KIAA1217: variants seen among roughly 807,000 people sequenced by gnomAD.
KIAA1217 encodes the protein sickle tail protein homolog.
In KIAA1217, 88 loss-of-function variants were observed where a neutral mutation model predicts 163.9. The ratio of observed to expected loss-of-function variants is 0.54; its 90% CI spans 0.45 to 0.64. KIAA1217 has a LOEUF of 0.64. KIAA1217 is among the 30% of genes least tolerant of loss of function. The pLI, the probability that KIAA1217 is intolerant of heterozygous loss-of-function variation, is 0.00. For synonymous variants in KIAA1217, 903 were observed against 923.1 expected, an observed-to-expected ratio of 0.98 and a Z score of 0.39; for missense variants, 2,372 against 2,475.0, an observed-to-expected ratio of 0.96 and a Z score of 0.88.
At chr10:24,016,931 T>C (rs1847503212) in intron 2 of KIAA1217, among the ~76,000 whole-genome samples, 1 of 152,130 alleles carries the variant, frequency 6.6e-6, no homozygotes, top group Non-Finnish European at 1.5e-5. Flanking sequence ...TTTATTTGCT[T>C]GAATCTTCTA....
chr10:24,321,956 T>G (rs1015090369), intron 2 of KIAA1217, among the ~76,000 whole-genome samples: 12 of 152,074 alleles, frequency 7.9e-5, no homozygotes, highest in Admixed American at 2.6e-4. Context: ...TTTTATTTTA[T>G]TTTATTTTTT....
chr10:23,981,952 A>G (rs1261021940), intron 1 of KIAA1217, among the ~76,000 whole-genome samples: 1 of 152,022 alleles, frequency 6.6e-6, no homozygotes, highest in East Asian at 1.9e-4. Context: ...ACCAAAGAAA[A>G]TGATGGTACG....
At chr10:24,326,372 A>G (rs2044891662) in intron 2 of KIAA1217, among the ~76,000 whole-genome samples, 1 of 152,224 alleles carries the variant, frequency 6.6e-6, no homozygotes, top group Non-Finnish European at 1.5e-5. Context: ...GAAGAATGAA[A>G]AAAAAACTTG....
intron 2 of KIAA1217, among the ~76,000 whole-genome samples, chr10:24,037,047 C>T (rs1230143861): frequency 6.6e-6 from 1 of 152,152 alleles, no homozygotes; most frequent in Non-Finnish European, 1.5e-5. Context: ...AGGCTGTCAC[C>T]AGCACATGCA....
chr10:24,074,722 G>A (rs1248736513), intron 2 of KIAA1217, among the ~76,000 whole-genome samples: 1 of 59,830 alleles, frequency 1.7e-5, no homozygotes, highest in Non-Finnish European at 3.3e-5. Flanking sequence ...TTTTTTTTTT[G>A]AGATAGAGTC....
At chr10:24,104,571 C>T (rs1354532241) in intron 2 of KIAA1217, among the ~76,000 whole-genome samples, 1 of 152,134 alleles carries the variant, frequency 6.6e-6, no homozygotes, top group Admixed American at 6.6e-5. Flanking sequence ...AAATACTTTG[C>T]ATGATACTAT....
In KIAA1217 at chr10:24,438,525, C is replaced by T. The variant is rs373678595; in HGVS notation, c.846+46C>T. ...TTTACTTATCTTCAGTGGGTCAAAG[C>T]GTCCCTCCTCTTGCTTGTACTCCTG... is the stretch of plus-strand genomic sequence containing the variant. On this transcript the variant is annotated intron_variant, in intron 5 of 20. Transcript: ENST00000376454. The T allele has an allele frequency of 2.5e-5, 32 of 1,286,466 alleles. No homozygotes were observed. In the East Asian group the frequency reaches 2.8e-4, roughly 11 times the overall value. 79.7% of individuals were successfully genotyped at this position (1,286,466 alleles called of 1,614,324 possible).
chr10:24,295,204 T>G (rs1230588878), intron 2 of KIAA1217, among the ~76,000 whole-genome samples: 3 of 152,194 alleles, frequency 2.0e-5, no homozygotes, highest in African/African-American at 7.2e-5. Context: ...TTAAAATAAT[T>G]ATAGCATCTC....
intron 1 of KIAA1217, among the ~76,000 whole-genome samples, chr10:23,791,587 G>A (rs1835952527): frequency 6.6e-6 from 1 of 152,078 alleles, no homozygotes. Flanking sequence ...CATGAGCATA[G>A]CATTGCTTTA....
At chr10:24,393,557 C>T (rs1028273637) in intron 3 of KIAA1217, among the ~76,000 whole-genome samples, 2 of 152,164 alleles carry the variant, frequency 1.3e-5, no homozygotes, top group African/African-American at 4.8e-5. Context: ...TGTGCCTACC[C>T]TCTCCCAAAT....
At position 24,014,309 on chromosome 10, in the gene KIAA1217, T is replaced by C. The variant is rs183026467; in HGVS notation, c.-171+6935T>C. 1.3e-3 allele frequency among the ~76,000 whole-genome samples: 202 copies of C among 152,322 alleles called. 1 individual carries two copies. Among genetic ancestry groups the C allele is most frequent in the Non-Finnish European group, 1.4e-3 (97 of 68,016 alleles). On this transcript the variant is annotated intron_variant, in intron 2 of 18. Transcript: ENST00000376462. ...AGAAAGATGTTTTTACTAGCTACCA[T>C]TGGAGAAACTATGTGTTCTCATATT...
chr10:23,932,636 A>G (rs1407858612), intron 1 of KIAA1217, among the ~76,000 whole-genome samples: 4 of 152,178 alleles, frequency 2.6e-5, no homozygotes, highest in African/African-American at 9.7e-5. Flanking sequence ...TTAGATAGTA[A>G]TATTTTAGCA....
chr10:24,172,874 C>T (rs1193570140), intron 2 of KIAA1217, among the ~76,000 whole-genome samples: 3 of 152,210 alleles, frequency 2.0e-5, no homozygotes, highest in Admixed American at 2.0e-4. Flanking sequence ...CTGGCTCATT[C>T]CTAAGTGAAC....
intron 2 of KIAA1217, chr10:24,158,786 C>T (rs745902363): frequency 4.6e-4 from 211 of 463,160 alleles, no homozygotes; most frequent in Non-Finnish European, 7.5e-4. Flanking sequence ...CATGTCTGGC[C>T]GGTAGTAGAA....
intron 1 of KIAA1217, among the ~76,000 whole-genome samples, chr10:23,917,570 T>C (rs948008780): frequency 1.3e-5 from 2 of 152,226 alleles, no homozygotes; most frequent in African/African-American, 4.8e-5. Flanking sequence ...GAACTCTGAC[T>C]GTGCGAGTGA....
At chr10:23,819,820 T>G (rs1158570771) in intron 1 of KIAA1217, among the ~76,000 whole-genome samples, 2 of 152,196 alleles carry the variant, frequency 1.3e-5, no homozygotes, top group African/African-American at 4.8e-5. Flanking sequence ...AGACCAGTAG[T>G]TCAGGAGCTT....
intron 2 of KIAA1217, among the ~76,000 whole-genome samples, chr10:24,176,416 CAG>C (rs1471566411): frequency 6.6e-6 from 1 of 151,996 alleles, no homozygotes; most frequent in Non-Finnish European, 1.5e-5. Context: ...TAGCTAGACA[CAG>C]AGTGCTGATT....
chr10:23,866,552 G>A (rs1165439373), intron 1 of KIAA1217, among the ~76,000 whole-genome samples: 4 of 151,986 alleles, frequency 2.6e-5, no homozygotes, highest in African/African-American at 7.2e-5. Context: ...ATTTCTGGAG[G>A]GCAGCTGTAC....
chr10:23,740,473 C>G (rs1839045642), intron 1 of KIAA1217, among the ~76,000 whole-genome samples: 1 of 152,142 alleles, frequency 6.6e-6, no homozygotes, highest in African/African-American at 2.4e-5. Context: ...ATCCTCTAGC[C>G]TCAGCCTTAC....
Sources: gnomAD v4.1 joint callset for allele counts (sites outside exome capture counted in the v4.1 genomes callset) on GRCh38, gnomAD v4.1.1 for gene constraint, MANE v1.5 for transcripts, NCBI Gene and HGNC (gene_info 2026-07-23, HGNC 2026-07-21) for gene names.